PMS1: variants seen among roughly 807,000 people sequenced by gnomAD.
The protein encoded by PMS1 is PMS1 protein homolog 1.
PMS1 carries 79 observed loss-of-function variants against 93.1 expected under a neutral mutation model. That is an observed-to-expected ratio of 0.85 (90% CI 0.71 to 1.02). PMS1 has a LOEUF of 1.02. Ranked by LOEUF, PMS1 falls within the 50% of genes least tolerant of loss-of-function variation. PMS1 has a pLI of 0.00. For missense variants in PMS1, 1,064 were observed against 1,085.3 expected (o/e 0.98, Z 0.28); for synonymous variants, 335 against 363.4 (o/e 0.92, Z 0.89).
chr2:189,856,606 G>A (rs2055364508), intron 9 of PMS1, among the ~76,000 whole-genome samples: 1 of 152,002 alleles, frequency 6.6e-6, no homozygotes, highest in South Asian at 2.1e-4. Flanking sequence ...AAAGGTGAGG[G>A]GACTTAACTT....
intron 5 of PMS1, among the ~76,000 whole-genome samples, chr2:189,821,919 A>G (rs2051932022): frequency 3.3e-5 from 5 of 152,234 alleles, no homozygotes; most frequent in Admixed American, 2.0e-4. Flanking sequence ...CAAGTCAAAT[A>G]TGTATCTTCT....
chr2:189,820,923 A>G (rs1359886331), intron 5 of PMS1, among the ~76,000 whole-genome samples: 4 of 152,130 alleles, frequency 2.6e-5, no homozygotes, highest in African/African-American at 4.8e-5. Context: ...AGCTCAACCA[A>G]ATGATACCTT....
intron 5 of PMS1, among the ~76,000 whole-genome samples, chr2:189,824,998 A>AT (rs5741593): frequency 0.097 from 14,799 of 152,118 alleles, 847 homozygotes; most frequent in African/African-American, 0.17. Flanking sequence ...TCTGCTTAGA[A>AT]TTTAAACCTG....
intron 9 of PMS1, among the ~76,000 whole-genome samples, 181 bp downstream of exon 9, chr2:189,855,309 TG>T (rs1311551016): frequency 1.3e-5 from 2 of 150,490 alleles, no homozygotes; most frequent in Non-Finnish European, 2.9e-5. Context: ...TTAGGTTTTT[TG>T]TTGGGGCGGG....
rs144071798 is a variant in PMS1, at chr2:189,805,139, G to A, written c.316-513G>A. ...AAAATTTAGCCTTAATGAGTTTAAAGCTCAGTTTTAAGAAAAAAATCTGTA... is the reference window on the plus strand; with the variant it reads ...AAAATTTAGCCTTAATGAGTTTAAAACTCAGTTTTAAGAAAAAAATCTGTA... On this transcript the variant is annotated intron_variant, in intron 3 of 12. Transcript: ENST00000441310. 3.0e-4 allele frequency among the ~76,000 whole-genome samples: 45 copies of A among 151,676 alleles called. No homozygotes were observed. The East Asian group carries it at 8.3e-3, about 28-fold the overall frequency.
intron 4 of PMS1, among the ~76,000 whole-genome samples, chr2:189,810,261 T>C (rs566565077): frequency 5.9e-5 from 9 of 152,312 alleles, no homozygotes; most frequent in African/African-American, 2.2e-4. Context: ...CAAGAGACCA[T>C]TGCTATCTGC....
chr2:189,859,296 TG>T (rs1469026817), intron 9 of PMS1, among the ~76,000 whole-genome samples: 23 of 152,182 alleles, frequency 1.5e-4, no homozygotes, highest in Non-Finnish European at 2.9e-5. Context: ...CTGAAGTAGA[TG>T]TGTATTATCC....
At chr2:189,788,511 A>T (rs1027881661) in intron 1 of PMS1, among the ~76,000 whole-genome samples, 2 of 152,216 alleles carry the variant, frequency 1.3e-5, no homozygotes, top group African/African-American at 2.4e-5. Flanking sequence ...TTAGTGTAAG[A>T]GCTAGGATAA....
rs749329798 is a variant in PMS1, at chr2:189,854,648, T to TA, written c.1378dup (p.Ser460LysfsTer4). 24 of 1,613,850 alleles carry TA rather than the reference T, an allele frequency of 1.5e-5. No individual in the cohort carries two copies. Among genetic ancestry groups the TA allele is most frequent in the Non-Finnish European group, 1.9e-5 (23 of 1,179,926 alleles). On this transcript the variant is annotated frameshift_variant, in exon 9 of 13. Transcript: ENST00000441310. LOFTEE classifies it high-confidence loss of function. The stretch of plus-strand genomic sequence containing the variant: ...ACGGAATATAGTAAAACTTGTTTTA[T>TA]AAGTTCCGTTAAGCACACCCAGTCA...
intron 2 of PMS1, 95 bp downstream of exon 2, chr2:189,792,036 T>C: frequency 9.4e-7 from 1 of 1,067,484 alleles, no homozygotes; most frequent in Non-Finnish European, 1.4e-6. Flanking sequence ...TTTATTTCTT[T>C]ACACCAATAA....
At position 189,854,796 on chromosome 2, in the gene PMS1, G is replaced by T. The variant is rs1158964084; in HGVS notation, c.1524G>T (p.Val508=). 6.2e-7 allele frequency: 1 copy of T among 1,613,010 alleles called. No homozygotes were observed. Among genetic ancestry groups the T allele is most frequent in the African/African-American group, 1.3e-5 (1 of 74,860 alleles). The change falls in exon 9 of 13, where the codon GTG becomes GTT. Residue 508 remains valine, a synonymous_variant. Transcript: ENST00000441310. ...GGGGAAATATACTTAAAAATTCAGT[G>T]GGAGAGAATATTGAACCTGTGAAAA... ...WSRGNILKNS[V]GENIEPVKIL...
chr2:189,844,398 C>CT (rs1447578567), intron 6 of PMS1, among the ~76,000 whole-genome samples: 7 of 152,114 alleles, frequency 4.6e-5, no homozygotes, highest in African/African-American at 7.2e-5. Context: ...AATTCCAGCA[C>CT]TTTGGAAGTC....
intron 5 of PMS1, among the ~76,000 whole-genome samples, chr2:189,823,865 G>C (rs1013992059): frequency 5.9e-5 from 9 of 152,128 alleles, no homozygotes; most frequent in Admixed American, 2.0e-4. Context: ...ATAAAGTCAG[G>C]CTGGATAAAT....
chr2:189,796,578 G>T (rs2049378172), intron 3 of PMS1, among the ~76,000 whole-genome samples: 1 of 152,018 alleles, frequency 6.6e-6, no homozygotes, highest in African/African-American at 2.4e-5. Flanking sequence ...CTGTCTCTAT[G>T]AATTAGACTA....
chr2:189,814,912 A>G (rs757459867), intron 4 of PMS1, among the ~76,000 whole-genome samples: 5 of 152,066 alleles, frequency 3.3e-5, no homozygotes, highest in African/African-American at 9.7e-5. Flanking sequence ...CCTGGCTAAC[A>G]TGGTGAAACC....
chr2:189,819,326 G>T lies in PMS1; in HGVS notation c.582+1146G>T, dbSNP rs140803808. ...GTTGATTCTGTATCTTTACTATTGT[G>T]AATAATGCTGTGATAAACATATGAG... On this transcript the variant is annotated intron_variant, in intron 5 of 12. Transcript: ENST00000441310. Among the ~76,000 whole-genome samples, 609 of 152,268 alleles carry T rather than the reference G, an allele frequency of 4.0e-3. 6 individuals carry two copies. The highest frequency in any genetic ancestry group is 0.014 in the African/African-American group (573 of 41,536).
chr2:189,863,946 A>T lies in PMS1; in HGVS notation c.2060A>T (p.Glu687Val), dbSNP rs377266054. ...GATGAACTCCTTCAGTCCCAAATTGAAAAAAGAAGGAGTCAAAATATTAAA... is the reference window on the plus strand; with the variant it reads ...GATGAACTCCTTCAGTCCCAAATTGTAAAAAGAAGGAGTCAAAATATTAAA... ...KLDELLQSQIEKRRSQNIKMV... is the reference protein window; with the variant it reads ...KLDELLQSQIVKRRSQNIKMV... The change falls in exon 10 of 13, where the codon GAA (glutamate) becomes GTA (valine). Residue 687 changes from glutamate to valine, a missense_variant. Coordinates refer to ENST00000441310, the MANE Select transcript of PMS1 (RefSeq NM_000534.5). 7 of 1,610,214 alleles carry T rather than the reference A, an allele frequency of 4.3e-6. No individual in the cohort carries two copies. The highest frequency in any genetic ancestry group is 5.9e-6 in the Non-Finnish European group (7 of 1,177,610).
chr2:189,864,254 A>G, intron 10 of PMS1, 26 bp downstream of exon 10: 2 of 1,481,984 alleles, frequency 1.3e-6, no homozygotes, highest in Non-Finnish European at 1.9e-6. Context: ...ACTTTTTAAG[A>G]GTAAAAATAT....
intron 2 of PMS1, among the ~76,000 whole-genome samples, chr2:189,795,333 A>G (rs186411818): frequency 5.3e-5 from 8 of 152,364 alleles, no homozygotes; most frequent in Admixed American, 1.3e-4. Context: ...AGGTTGAATA[A>G]TGATACTTGC....
Sources: allele counts gnomAD v4.1 joint callset (sites outside exome capture counted in the v4.1 genomes callset), GRCh38; gene constraint gnomAD v4.1.1; transcripts MANE v1.5; gene names NCBI Gene and HGNC (gene_info 2026-07-23, HGNC 2026-07-21).